Variants in PLD5 observed in about 807,000 individuals in gnomAD.
The protein encoded by PLD5 is phospholipase D family member 5, also known as inactive phospholipase D5.
In PLD5, 36 loss-of-function variants were observed where a neutral mutation model predicts 61.1. The observed-to-expected ratio is 0.59, with a 90% CI of 0.45 to 0.78. PLD5 has a LOEUF of 0.78. Among genes scored for constraint, PLD5 ranks in the 30% least tolerant of loss-of-function variants. PLD5 has a pLI of 0.00. For synonymous variants in PLD5, 243 were observed against 242.8 expected, an observed-to-expected ratio of 1.00 and a Z score of -0.01; for missense variants, 515 against 644.4, an observed-to-expected ratio of 0.80 and a Z score of 2.17.
At chr1:242,221,439 G>T (rs1336571376) in intron 4 of PLD5, among the ~76,000 whole-genome samples, 2 of 152,200 alleles carry the variant, frequency 1.3e-5, no homozygotes, top group African/African-American at 4.8e-5. Context: ...TATGCAGAAG[G>T]ATACATTTCA....
intron 1 of PLD5, among the ~76,000 whole-genome samples, chr1:242,445,868 A>ACAT (rs1270645913): frequency 1.4e-5 from 2 of 147,854 alleles, no homozygotes; most frequent in Non-Finnish European, 3.0e-5. Flanking sequence ...ATTTTCTTTC[A>ACAT]CATCATCTCC....
intron 1 of PLD5, among the ~76,000 whole-genome samples, chr1:242,503,759 T>C (rs928838084): frequency 6.6e-6 from 1 of 152,184 alleles, no homozygotes; most frequent in Non-Finnish European, 1.5e-5. Context: ...TAAGGTCAAG[T>C]GCTCTCTTTT....
intron 5 of PLD5, among the ~76,000 whole-genome samples, chr1:242,164,733 G>A (rs900499086): frequency 6.6e-6 from 1 of 151,998 alleles, no homozygotes; most frequent in Non-Finnish European, 1.5e-5. Flanking sequence ...CTACTTTTGG[G>A]AAACACTGCC....
chr1:242,319,754 G>A (rs949935563), intron 2 of PLD5, among the ~76,000 whole-genome samples: 1 of 152,078 alleles, frequency 6.6e-6, no homozygotes, highest in Non-Finnish European at 1.5e-5. Flanking sequence ...CTATCTTACT[G>A]CCTCCTCTAC....
chr1:242,186,266 T>A lies in PLD5; in HGVS notation c.735+33722A>T, dbSNP rs1479837124. Among the ~76,000 whole-genome samples the A allele has an allele frequency of 2.0e-5, 3 of 151,940 alleles. No homozygotes were observed. In the East Asian group the frequency reaches 5.8e-4, roughly 29 times the overall value. On this transcript the variant is annotated intron_variant, in intron 5 of 9. Transcript: ENST00000536534. ...GGTATAATCTCAGCTCACTGCAACC[T>A]CCACCTCCCGGGTTCAAGCGAACCT...
chr1:242,515,959 G>A (rs1236995776), intron 1 of PLD5, among the ~76,000 whole-genome samples: 1 of 152,076 alleles, frequency 6.6e-6, no homozygotes, highest in East Asian at 1.9e-4. Flanking sequence ...CAATACTTTG[G>A]TCACTGTCAA....
At chr1:242,480,952 T>C (rs940320773) in intron 1 of PLD5, among the ~76,000 whole-genome samples, 43 of 152,348 alleles carry the variant, frequency 2.8e-4, no homozygotes, top group Middle Eastern at 6.8e-3. Context: ...TAGGGTTTTT[T>C]TAATTTTAAT....
chr1:242,369,850 T>C (rs959857913), intron 1 of PLD5, among the ~76,000 whole-genome samples: 1 of 152,194 alleles, frequency 6.6e-6, no homozygotes, highest in Non-Finnish European at 1.5e-5. Flanking sequence ...GTGGTCTGCA[T>C]TTACTTAAAG....
chr1:242,283,282 C>T (rs1674823432), intron 3 of PLD5, among the ~76,000 whole-genome samples: 1 of 152,196 alleles, frequency 6.6e-6, no homozygotes, highest in Admixed American at 6.5e-5. Context: ...GCAACCATCA[C>T]ACTCACTCTA....
upstream of PLD5, among the ~76,000 whole-genome samples, chr1:242,526,597 A>G (rs11588812): frequency 0.13 from 20,127 of 152,102 alleles, 1,363 homozygotes; most frequent in East Asian, 0.17. Flanking sequence ...CACCACGCCC[A>G]GCTAATTTTT....
At chr1:242,129,888 G>A (rs1451060364) in intron 5 of PLD5, among the ~76,000 whole-genome samples, 1 of 152,100 alleles carries the variant, frequency 6.6e-6, no homozygotes, top group African/African-American at 2.4e-5. Context: ...GTGATAATGT[G>A]TGGTGCTTGA....
intron 1 of PLD5, among the ~76,000 whole-genome samples, chr1:242,402,273 T>A (rs1270958595): frequency 1.3e-5 from 2 of 151,770 alleles, no homozygotes; most frequent in Non-Finnish European, 2.9e-5. Context: ...CCAGAAAAAA[T>A]AGAACAAGTA....
chr1:242,242,949 A>T (rs10926667), intron 4 of PLD5, among the ~76,000 whole-genome samples: 36,282 of 152,112 alleles, frequency 0.24, 4,604 homozygotes, highest in Middle Eastern at 0.33. Context: ...TCTGTGCCTC[A>T]CCTCTCTCTC....
intron 5 of PLD5, among the ~76,000 whole-genome samples, chr1:242,218,342 G>A (rs1558358101): frequency 6.6e-6 from 1 of 152,202 alleles, no homozygotes; most frequent in Non-Finnish European, 1.5e-5. Context: ...ATAGTGTAAA[G>A]GTAACTTTTA....
At chr1:242,454,419 A>C (rs540235705) in intron 1 of PLD5, among the ~76,000 whole-genome samples, 109 of 152,196 alleles carry the variant, frequency 7.2e-4, no homozygotes, top group African/African-American at 2.5e-3. Flanking sequence ...TCAGCTTCTA[A>C]TACTGTTTCA....
intron 5 of PLD5, among the ~76,000 whole-genome samples, chr1:242,153,973 T>C (rs1392561315): frequency 1.3e-5 from 2 of 152,166 alleles, no homozygotes; most frequent in African/African-American, 4.8e-5. Flanking sequence ...ATTCTTCCTA[T>C]CCATGAGCAT....
chr1:242,234,262 A>G (rs1465901113), intron 4 of PLD5, among the ~76,000 whole-genome samples: 1 of 152,114 alleles, frequency 6.6e-6, no homozygotes, highest in East Asian at 1.9e-4. Flanking sequence ...AAGGCTCTGA[A>G]GAAAAATCCA....
chr1:242,437,042 T>C (rs774856485), intron 1 of PLD5, among the ~76,000 whole-genome samples: 12 of 152,168 alleles, frequency 7.9e-5, no homozygotes, highest in Admixed American at 2.0e-4. Context: ...TGAACCCCTT[T>C]GTCAGAGGTT....
At chr1:242,091,366 G>A (rs1659807596) in intron 9 of PLD5, among the ~76,000 whole-genome samples, 1 of 152,150 alleles carries the variant, frequency 6.6e-6, no homozygotes, top group South Asian at 2.1e-4. Context: ...TTCAAGGTGT[G>A]GGGGAAGCAG....
Sources: allele counts gnomAD v4.1 joint callset (sites outside exome capture counted in the v4.1 genomes callset), GRCh38; gene constraint gnomAD v4.1.1; transcripts MANE v1.5; gene names NCBI Gene and HGNC (gene_info 2026-07-23, HGNC 2026-07-21).